Variants in BABAM2 observed in about 807,000 individuals in gnomAD.
BABAM2 encodes BRISC and BRCA1 A complex member 2.
Under a neutral mutation model 54.7 loss-of-function variants are expected in BABAM2, and 31 were observed. That is an observed-to-expected ratio of 0.57 (90% CI 0.43 to 0.77). The LOEUF is 0.77. BABAM2 is among the 30% of genes least tolerant of loss of function. The pLI, the probability that BABAM2 is intolerant of heterozygous loss-of-function variation, is 0.00. For synonymous variants in BABAM2, 167 were observed against 162.9 expected, an observed-to-expected ratio of 1.03 and a Z score of -0.19; for missense variants, 364 against 455.8, an observed-to-expected ratio of 0.80 and a Z score of 1.83.
At chr2:28,331,972 T>C (rs1690996397) in intron 11 of BABAM2, among the ~76,000 whole-genome samples, 1 of 152,220 alleles carries the variant, frequency 6.6e-6, no homozygotes, top group Non-Finnish European at 1.5e-5. Flanking sequence ...CACCATGGAA[T>C]ACTATGCAGC....
At chr2:27,976,762 T>G (rs1017022329) in intron 3 of BABAM2, among the ~76,000 whole-genome samples, 1 of 152,198 alleles carries the variant, frequency 6.6e-6, no homozygotes, top group Non-Finnish European at 1.5e-5. Flanking sequence ...TTTTACTGTT[T>G]GAATGTGGCT....
intron 7 of BABAM2, among the ~76,000 whole-genome samples, chr2:28,226,707 C>A (rs973702120): frequency 1.3e-5 from 2 of 152,142 alleles, no homozygotes; most frequent in African/African-American, 4.8e-5. Flanking sequence ...TGAAGAAGCC[C>A]GCCCCGCAAA....
chr2:27,892,142 G>A (rs1664910820), intron 1 of BABAM2, among the ~76,000 whole-genome samples: 1 of 152,166 alleles, frequency 6.6e-6, no homozygotes, highest in African/African-American at 2.4e-5. Context: ...TGGAGAATCC[G>A]GATTTGGATT....
chr2:28,160,546 C>T (rs74949966), intron 7 of BABAM2, among the ~76,000 whole-genome samples: 13,081 of 152,146 alleles, frequency 0.086, 610 homozygotes, highest in East Asian at 0.15. Flanking sequence ...GCAATGCACA[C>T]GATCACACAA....
intron 6 of BABAM2, among the ~76,000 whole-genome samples, chr2:28,113,210 G>C (rs1163111240): frequency 6.6e-6 from 1 of 152,150 alleles, no homozygotes; most frequent in Non-Finnish European, 1.5e-5. Context: ...AGTTTAATTA[G>C]ATCCCATTTG....
intron 3 of BABAM2, chr2:27,930,373 A>G (rs1349141823): frequency 1.2e-5 from 2 of 165,836 alleles, no homozygotes; most frequent in East Asian, 1.8e-4. Flanking sequence ...AACTCTTGGC[A>G]TGGCTTAGGC....
At chr2:28,317,668 C>A (rs968666561) in intron 11 of BABAM2, among the ~76,000 whole-genome samples, 4 of 152,250 alleles carry the variant, frequency 2.6e-5, no homozygotes, top group African/African-American at 9.6e-5. Flanking sequence ...AACCTGTTCT[C>A]AGCCCTGGAT....
intron 6 of BABAM2, among the ~76,000 whole-genome samples, chr2:28,127,742 G>T (rs1463868182): frequency 6.6e-6 from 1 of 151,930 alleles, no homozygotes. Flanking sequence ...AGAAGGGGTG[G>T]CATGACAGAC....
chr2:28,308,348 G>A, intron 11 of BABAM2: 1 of 475,954 alleles, frequency 2.1e-6, no homozygotes, highest in Non-Finnish European at 4.1e-6. Flanking sequence ...ATGCTTGGAA[G>A]AGCACTCCCA....
chr2:28,215,990 A>G (rs1558442844), intron 7 of BABAM2, among the ~76,000 whole-genome samples: 1 of 152,202 alleles, frequency 6.6e-6, no homozygotes, highest in South Asian at 2.1e-4. Context: ...ACCTGAATCC[A>G]AAGTAATGCT....
At chr2:28,182,407 T>C (rs1464451514) in intron 7 of BABAM2, among the ~76,000 whole-genome samples, 1 of 152,218 alleles carries the variant, frequency 6.6e-6, no homozygotes, top group Non-Finnish European at 1.5e-5. Flanking sequence ...TCACGGTTTC[T>C]GCTGAAACAT....
intron 6 of BABAM2, among the ~76,000 whole-genome samples, chr2:28,061,895 T>G (rs186225812): frequency 7.2e-5 from 11 of 152,232 alleles, no homozygotes; most frequent in Non-Finnish European, 1.3e-4. Context: ...CCAAACACTT[T>G]GAGAACTGCT....
chr2:28,014,244 T>C (rs1674632029), intron 4 of BABAM2, among the ~76,000 whole-genome samples: 1 of 152,136 alleles, frequency 6.6e-6, no homozygotes, highest in East Asian at 1.9e-4. Flanking sequence ...CAAAAAAAGA[T>C]TCTTTTCAAA....
intron 11 of BABAM2, among the ~76,000 whole-genome samples, chr2:28,319,797 G>C (rs567651291): frequency 1.3e-5 from 2 of 152,328 alleles, no homozygotes; most frequent in Admixed American, 1.3e-4. Flanking sequence ...TCAGCTCAAG[G>C]AGTGCACATG....
At chr2:27,969,071 T>A (rs1369384412) in intron 3 of BABAM2, among the ~76,000 whole-genome samples, 1 of 152,040 alleles carries the variant, frequency 6.6e-6, no homozygotes, top group East Asian at 1.9e-4. Flanking sequence ...TTTCCCATGC[T>A]GTTCTCGTGA....
chr2:27,997,284 T>A (rs972301031), intron 4 of BABAM2, among the ~76,000 whole-genome samples: 1 of 149,948 alleles, frequency 6.7e-6, no homozygotes, highest in African/African-American at 2.5e-5. Flanking sequence ...AAAGGATGCA[T>A]CATCAGTAAA....
intron 3 of BABAM2, among the ~76,000 whole-genome samples, chr2:27,976,364 C>G (rs1388206848): frequency 6.6e-6 from 1 of 152,036 alleles, no homozygotes; most frequent in Non-Finnish European, 1.5e-5. Flanking sequence ...ATGGAATATA[C>G]TAGTAGGCTA....
chr2:28,228,441 G>GT (rs199644609), intron 7 of BABAM2, among the ~76,000 whole-genome samples: 1,864 of 151,236 alleles, frequency 0.012, 26 homozygotes, highest in African/African-American at 0.043. Flanking sequence ...TGTATGCACT[G>GT]TTTTTTTTTC....
At chr2:27,933,594 G>T (rs1487020269) in intron 3 of BABAM2, among the ~76,000 whole-genome samples, 1 of 151,342 alleles carries the variant, frequency 6.6e-6, no homozygotes, top group Non-Finnish European at 1.5e-5. Flanking sequence ...TCAGCCTCCG[G>T]AGTAGTTGGA....
Sources: gnomAD v4.1 joint callset for allele counts (sites outside exome capture counted in the v4.1 genomes callset) on GRCh38, gnomAD v4.1.1 for gene constraint, MANE v1.5 for transcripts, NCBI Gene and HGNC (gene_info 2026-07-23, HGNC 2026-07-21) for gene names.